Variants in KCNQ5 observed in about 807,000 individuals in gnomAD.
KCNQ5 encodes the protein potassium voltage-gated channel subfamily KQT member 5.
In KCNQ5, 30 loss-of-function variants were observed where a neutral mutation model predicts 98.2. The ratio of observed to expected loss-of-function variants is 0.31; its 90% CI spans 0.23 to 0.41. The LOEUF (loss-of-function observed/expected upper bound fraction) is 0.41, where lower values mean the gene tolerates loss of function less well. KCNQ5 is among the 10% of genes least tolerant of loss of function. The pLI is 1.00. For synonymous variants in KCNQ5, 458 were observed against 449.4 expected, an observed-to-expected ratio of 1.02 and a Z score of -0.24; for missense variants, 835 against 1,182.5, an observed-to-expected ratio of 0.71 and a Z score of 4.31.
At chr6:72,637,481 T>C (rs921959577) in intron 1 of KCNQ5, among the ~76,000 whole-genome samples, 1 of 152,080 alleles carries the variant, frequency 6.6e-6, no homozygotes, top group Non-Finnish European at 1.5e-5. Flanking sequence ...TCTCCAGTCA[T>C]GTGGAAAATG....
intron 1 of KCNQ5, among the ~76,000 whole-genome samples, chr6:72,776,156 A>G (rs899322289): frequency 6.6e-6 from 1 of 152,176 alleles, no homozygotes; most frequent in Non-Finnish European, 1.5e-5. Flanking sequence ...AAAATAATAA[A>G]CAATTCATAG....
At chr6:72,987,142 C>G in intron 1 of KCNQ5, 1 of 660,906 alleles carries the variant, frequency 1.5e-6, no homozygotes, top group African/African-American at 1.8e-5. Flanking sequence ...GGCCCTAAGG[C>G]CCCCGAGAAG....
In KCNQ5 at chr6:73,136,865, A is replaced by T. The variant is rs192754747; in HGVS notation, c.1468+3224A>T. The T allele has an allele frequency of 1.1e-4, 17 of 152,344 alleles. No individual in the cohort carries two copies. The East Asian group carries it at 2.5e-3, about 22-fold the overall frequency. 9.4% of individuals were successfully genotyped at this position (152,344 alleles called of 1,614,324 possible). A position where few individuals can be genotyped will look rare whatever the true frequency, so the allele number is the denominator to read the frequency against. On this transcript the variant is annotated intron_variant, in intron 10 of 13. Transcript: ENST00000370398. Reference sequence around the variant, plus strand: ...TACTTACTACCATAGAAAATAATATATAACACTTATAGCCAGTTTTCAATT... The same window carrying T: ...TACTTACTACCATAGAAAATAATATTTAACACTTATAGCCAGTTTTCAATT...
chr6:73,167,566 T>C (rs1488132609), intron 10 of KCNQ5, among the ~76,000 whole-genome samples: 1 of 152,204 alleles, frequency 6.6e-6, no homozygotes, highest in East Asian at 1.9e-4. Flanking sequence ...TAACAACTTG[T>C]AAAGTTGCTC....
chr6:72,914,445 A>T (rs1161821717), intron 1 of KCNQ5, among the ~76,000 whole-genome samples: 1 of 150,886 alleles, frequency 6.6e-6, no homozygotes, highest in African/African-American at 2.4e-5. Flanking sequence ...GAAATAACAA[A>T]GCTCAACAAA....
At chr6:72,755,679 T>A (rs766601497) in intron 1 of KCNQ5, among the ~76,000 whole-genome samples, 1 of 152,216 alleles carries the variant, frequency 6.6e-6, no homozygotes, top group African/African-American at 2.4e-5. Context: ...CTTCTACTTA[T>A]AAGCCTCACA....
intron 1 of KCNQ5, among the ~76,000 whole-genome samples, chr6:72,655,917 T>C (rs1471069279): frequency 6.6e-6 from 1 of 152,170 alleles, no homozygotes; most frequent in Non-Finnish European, 1.5e-5. Context: ...TGAACCAGCA[T>C]GGAATGAAAA....
chr6:72,644,058 A>G (rs553398155), intron 1 of KCNQ5, among the ~76,000 whole-genome samples: 2 of 152,318 alleles, frequency 1.3e-5, no homozygotes, highest in East Asian at 1.9e-4. Context: ...TGTACAGCAC[A>G]TAACAGGTAT....
At chr6:73,048,284 T>C (rs915756614) in intron 3 of KCNQ5, among the ~76,000 whole-genome samples, 17 of 152,346 alleles carry the variant, frequency 1.1e-4, no homozygotes, top group African/African-American at 4.1e-4. Flanking sequence ...TGAGGAGGTT[T>C]AGACACAGAT....
At chr6:73,025,329 A>C (rs907866465) in intron 2 of KCNQ5, among the ~76,000 whole-genome samples, 1 of 152,216 alleles carries the variant, frequency 6.6e-6, no homozygotes, top group Non-Finnish European at 1.5e-5. Context: ...ACTTATAAAT[A>C]AAAACACTTC....
At position 73,197,606 on chromosome 6, in the gene KCNQ5, CA is replaced by C. The variant is rs1554220835; in HGVS notation, c.*2193del. ...ACACACACACACACACACACACACA[CA>C]CACACACACACACACACACACACAC... On this transcript the variant is annotated 3_prime_UTR_variant, in exon 14 of 14. Transcript: ENST00000370398. The C allele has an allele frequency of 6.8e-6, 1 of 146,922 alleles. No individual in the cohort carries two copies. The highest frequency in any genetic ancestry group is 1.5e-5 in the Non-Finnish European group (1 of 67,052). The allele number at this position is 146,922 out of a possible 1,614,324, so 9.1% of individuals were successfully genotyped here. A position where few individuals can be genotyped will look rare whatever the true frequency, so the allele number is the denominator to read the frequency against.
chr6:72,631,111 T>G (rs1430039609), intron 1 of KCNQ5, among the ~76,000 whole-genome samples: 1 of 152,200 alleles, frequency 6.6e-6, no homozygotes, highest in Admixed American at 6.5e-5. Context: ...ATTTCCAGAT[T>G]ATTGGATTGG....
chr6:73,018,918 C>T (rs1440105858), intron 2 of KCNQ5, among the ~76,000 whole-genome samples: 1 of 152,148 alleles, frequency 6.6e-6, no homozygotes, highest in Non-Finnish European at 1.5e-5. Context: ...CCATGTCTAC[C>T]TTCTTTATTT....
intron 1 of KCNQ5, among the ~76,000 whole-genome samples, chr6:72,988,358 C>T (rs900559400): frequency 2.0e-5 from 3 of 152,180 alleles, no homozygotes; most frequent in African/African-American, 2.4e-5. Flanking sequence ...TTTGTCCCAA[C>T]ATGGATGAAA....
intron 2 of KCNQ5, among the ~76,000 whole-genome samples, chr6:73,013,993 T>C (rs150308528): frequency 1.8e-3 from 281 of 152,232 alleles, no homozygotes; most frequent in African/African-American, 6.4e-3. Context: ...ATTCATGGGG[T>C]AAATAGTCAA....
At chr6:72,862,706 C>T (rs1040929975) in intron 1 of KCNQ5, among the ~76,000 whole-genome samples, 7 of 152,016 alleles carry the variant, frequency 4.6e-5, no homozygotes, top group African/African-American at 1.7e-4. Flanking sequence ...TGGCTCATTG[C>T]AGCCTCAACC....
At chr6:72,908,990 C>T (rs934240329) in intron 1 of KCNQ5, among the ~76,000 whole-genome samples, 1 of 152,058 alleles carries the variant, frequency 6.6e-6, no homozygotes, top group Non-Finnish European at 1.5e-5. Context: ...TCACTCTCTA[C>T]AATTAAAAAT....
intron 2 of KCNQ5, among the ~76,000 whole-genome samples, chr6:73,041,141 C>T (rs754460884): frequency 6.6e-6 from 1 of 152,136 alleles, no homozygotes; most frequent in Non-Finnish European, 1.5e-5. Context: ...TAAGCTTGCT[C>T]CAGAAATGCT....
At chr6:73,139,966 T>C (rs1433950060) in intron 10 of KCNQ5, among the ~76,000 whole-genome samples, 1 of 148,754 alleles carries the variant, frequency 6.7e-6, no homozygotes, top group African/African-American at 2.6e-5. Flanking sequence ...AACCCTCAAG[T>C]CTTCTTAAAG....
Sources: allele counts gnomAD v4.1 joint callset (sites outside exome capture counted in the v4.1 genomes callset), GRCh38; gene constraint gnomAD v4.1.1; transcripts MANE v1.5; gene names NCBI Gene and HGNC (gene_info 2026-07-23, HGNC 2026-07-21).